ZSCAN5A: variants seen among roughly 807,000 people sequenced by gnomAD.
ZSCAN5A encodes zinc finger and SCAN domain containing 5A, also known as zinc finger and SCAN domain-containing protein 5A.
A neutral mutation model predicts 23.7 loss-of-function variants in ZSCAN5A; 12 were observed. That is an observed-to-expected ratio of 0.51 (90% CI 0.32 to 0.82). ZSCAN5A has a LOEUF of 0.82. Among genes scored for constraint, ZSCAN5A ranks in the 40% least tolerant of loss-of-function variants. The pLI, the probability that ZSCAN5A is intolerant of heterozygous loss-of-function variation, is 0.03. For synonymous variants in ZSCAN5A, 257 were observed against 239.9 expected, an observed-to-expected ratio of 1.07 and a Z score of -0.66; for missense variants, 597 against 617.9, an observed-to-expected ratio of 0.97 and a Z score of 0.36.
rs567319242 is a variant in ZSCAN5A, at chr19:56,232,718, G to A, written c.-127-7545C>T. ...TTTTCAGACAGGGTCTTGCTCTGTT[G>A]CCCAGGCTGAAGCACAGTTGCACAA... On this transcript the variant is annotated intron_variant, in intron 2 of 5. Transcript: ENST00000683990. Among the ~76,000 whole-genome samples, 9 of 151,146 alleles carry A rather than the reference G, an allele frequency of 6.0e-5. No homozygotes were observed. The South Asian group carries it at 1.9e-3, about 32-fold the overall frequency.
intron 2 of ZSCAN5A, among the ~76,000 whole-genome samples, chr19:56,238,014 C>CAT (rs1491283818): frequency 9.1e-4 from 1 of 1,102 alleles, no homozygotes; most frequent in African/African-American, 3.2e-3. Context: ...TACACACACA[C>CAT]GTCAAAGAAA....
At chr19:56,321,519 C>T (rs758570112) in intron 2 of ZSCAN5A, 29 of 729,510 alleles carry the variant, frequency 4.0e-5, no homozygotes, top group Admixed American at 7.4e-5. Context: ...CACTCACACG[C>T]ACTTTCGCTG....
chr19:56,292,458 C>CTTTTTTTTTTTTTTTTACT (rs899365291), intron 2 of ZSCAN5A, among the ~76,000 whole-genome samples: 5 of 135,190 alleles, frequency 3.7e-5, no homozygotes, highest in East Asian at 4.3e-4. Context: ...TCTGTTTTTA[C>CTTTTTTTTTTTTTTTTACT]TTTTTTTTTT....
chr19:56,275,757 C>G (rs1412008286), intron 2 of ZSCAN5A, among the ~76,000 whole-genome samples: 1 of 152,188 alleles, frequency 6.6e-6, no homozygotes, highest in African/African-American at 2.4e-5. Flanking sequence ...TATACCAGAA[C>G]TTCTCTTCCC....
rs1432817379 is a variant in ZSCAN5A, at chr19:56,249,594, T to A, written c.-127-24421A>T. ...TGGCCTTAGATTTCATCTTAGAATA[T>A]CTTTCAAAAGTCTATAGAGCTCGCC... On this transcript the variant is annotated intron_variant, in intron 2 of 5. Transcript: ENST00000683990. 2.6e-5 allele frequency among the ~76,000 whole-genome samples: 4 copies of A among 152,310 alleles called. No individual in the cohort carries two copies. In the East Asian group the frequency reaches 5.8e-4, roughly 22 times the overall value.
chr19:56,278,246 G>C (rs59503198), intron 2 of ZSCAN5A, among the ~76,000 whole-genome samples: 63,813 of 151,854 alleles, frequency 0.42, 14,547 homozygotes, highest in Non-Finnish European at 0.51. Context: ...CTCAGCATCC[G>C]AAGTAGCCTC....
rs528683008 is a variant in ZSCAN5A, at chr19:56,230,374, A to G, written c.-127-5201T>C. 4.6e-5 allele frequency among the ~76,000 whole-genome samples: 7 copies of G among 152,278 alleles called. No individual in the cohort carries two copies. In the East Asian group the frequency reaches 1.4e-3, roughly 29 times the overall value. ...GCCGGGATTACAGGCATGAGCCACC[A>G]TACCCGGCCCCAACATATTATTATT... On this transcript the variant is annotated intron_variant, in intron 2 of 5. Coordinates refer to ENST00000683990, the MANE Select transcript of ZSCAN5A (RefSeq NM_001322064.3).
At chr19:56,342,743 T>G in intron 2 of ZSCAN5A, 1 of 681,388 alleles carries the variant, frequency 1.5e-6, no homozygotes. Context: ...TCCCTGATAT[T>G]CATCATCCAA....
chr19:56,299,140 T>C (rs1365129160), intron 2 of ZSCAN5A, among the ~76,000 whole-genome samples: 1 of 146,930 alleles, frequency 6.8e-6, no homozygotes. Flanking sequence ...GCTTACATTA[T>C]TTTTTTTTTG....
intron 2 of ZSCAN5A, among the ~76,000 whole-genome samples, chr19:56,333,612 T>C (rs936556591): frequency 6.6e-6 from 1 of 152,132 alleles, no homozygotes; most frequent in African/African-American, 2.4e-5. Flanking sequence ...TTGCAATGCA[T>C]GCTTTGAATT....
At chr19:56,304,850 T>C (rs1339990140) in intron 2 of ZSCAN5A, 2 of 974,144 alleles carry the variant, frequency 2.1e-6, no homozygotes, top group Non-Finnish European at 2.4e-6. Context: ...GGCAGGGAAG[T>C]GGGCTTTTCC....
intron 2 of ZSCAN5A, among the ~76,000 whole-genome samples, chr19:56,293,777 G>A (rs1012010271): frequency 2.0e-5 from 3 of 152,240 alleles, no homozygotes; most frequent in Admixed American, 1.3e-4. Context: ...TGGTAGGGGA[G>A]GCTAACGGCA....
At chr19:56,249,696 CTG>C (rs1461673578) in intron 2 of ZSCAN5A, among the ~76,000 whole-genome samples, 2 of 152,216 alleles carry the variant, frequency 1.3e-5, no homozygotes, top group African/African-American at 4.8e-5. Flanking sequence ...TGAGCTGACT[CTG>C]TATATTGCTG....
intron 2 of ZSCAN5A, chr19:56,244,309 G>A: frequency 6.2e-7 from 1 of 1,609,474 alleles, no homozygotes. Flanking sequence ...TGCTGGTGAT[G>A]GAGCAGTTCA....
At chr19:56,319,661 G>A, upstream of ZSCAN5A, 1 of 565,530 alleles carries the variant, frequency 1.8e-6, no homozygotes, top group Non-Finnish European at 3.2e-6. Context: ...ATGCTCAAAA[G>A]AAGAAAAGTG....
chr19:56,315,348 T>G (rs1392593531), upstream of ZSCAN5A: 1 of 152,312 alleles, frequency 6.6e-6, no homozygotes, highest in African/African-American at 2.4e-5. Context: ...ACCCGGGCGG[T>G]GTCGCATGTC....
At chr19:56,234,908 C>T (rs112016292) in intron 2 of ZSCAN5A, among the ~76,000 whole-genome samples, 3,929 of 152,332 alleles carry the variant, frequency 0.026, 167 homozygotes, top group African/African-American at 0.09. Context: ...GTCTGTGGCT[C>T]GTCCTACTAC....
intron 2 of ZSCAN5A, chr19:56,274,493 A>C (rs779847577): frequency 6.6e-6 from 1 of 152,026 alleles, no homozygotes; most frequent in Non-Finnish European, 1.5e-5. Context: ...CTGTAGAGGA[A>C]CACGTTTTTT....
chr19:56,223,667 C>G lies in ZSCAN5A; in HGVS notation c.552G>C (p.Gln184His), dbSNP rs1399688711. The change falls in exon 4 of 6, where the codon CAG (glutamine) becomes CAC (histidine). Residue 184 changes from glutamine (Q) to histidine (H), a missense_variant. Around this residue, in one of 5 missense-constraint regions of ZSCAN5A, gnomAD observed 406 missense variants for 353.2 expected, o/e 1.15. Transcript: ENST00000683990. ...PGEGQAHREL[Q>H]ILPRVPALSR... ...ACAATGCAGGGACCCTGGGCAGGAT[C>G]TGCAGCTCTCGGTGGGCCTGGCCTT... 2 of 1,613,982 alleles carry G rather than the reference C, an allele frequency of 1.2e-6. No homozygotes were observed. The highest frequency in any genetic ancestry group is 1.7e-6 in the Non-Finnish European group (2 of 1,180,008).
Sources: allele counts gnomAD v4.1 joint callset (sites outside exome capture counted in the v4.1 genomes callset), GRCh38; gene constraint gnomAD v4.1.1; regional missense constraint gnomAD v4.1.1; transcripts MANE v1.5; gene names NCBI Gene and HGNC (gene_info 2026-07-23, HGNC 2026-07-21).